DIXDC1: variants seen among roughly 807,000 people sequenced by gnomAD.
DIXDC1 encodes dixin.
A neutral mutation model predicts 103.1 loss-of-function variants in DIXDC1; 64 were observed. The ratio of observed to expected loss-of-function variants is 0.62; its 90% confidence interval spans 0.51 to 0.76. DIXDC1 has a LOEUF of 0.76. Ranked by LOEUF, DIXDC1 falls within the 30% of genes least tolerant of loss-of-function variation. The probability of loss-of-function intolerance (pLI) is 0.00; values close to 1 mark genes in which losing one functional copy is unlikely to be tolerated. For missense variants in DIXDC1, 759 were observed against 834.2 expected, an observed-to-expected ratio of 0.91 and a Z score of 1.11; for synonymous variants, 266 against 298.5, an observed-to-expected ratio of 0.89 and a Z score of 1.12.
intron 5 of DIXDC1, among the ~76,000 whole-genome samples, chr11:111,980,470 C>G (rs1860260271): frequency 6.6e-6 from 1 of 152,192 alleles, no homozygotes; most frequent in Admixed American, 6.5e-5. Flanking sequence ...TGGTAAATCT[C>G]TTCTCAATGA....
chr11:112,011,534 C>A (rs1352157540), intron 17 of DIXDC1, among the ~76,000 whole-genome samples: 1 of 152,128 alleles, frequency 6.6e-6, no homozygotes, highest in African/African-American at 2.4e-5. Context: ...TTCACAATTG[C>A]AAAGACTTGG....
rs1555175404 is a variant in DIXDC1, at chr11:111,996,350, G to A, written c.1756+204G>A. 7.0e-5 allele frequency: 31 copies of A among 441,806 alleles called. 2 individuals carry two copies. In the South Asian group the frequency reaches 8.7e-4, roughly 12 times the overall value. 27.4% of individuals were successfully genotyped at this position (441,806 alleles called of 1,614,324 possible). A position where few individuals can be genotyped will look rare whatever the true frequency, so the allele number is the denominator to read the frequency against. On this transcript the variant is annotated intron_variant, in intron 17 of 19. Coordinates refer to ENST00000440460, the MANE Select transcript of DIXDC1 (RefSeq NM_001037954.4). The stretch of plus-strand genomic sequence containing the variant: ...ACCACCCCCAGTGCCATTTAGCCAC[G>A]TGCAGGCAGGATGCTGTTGACTCAG...
At chr11:111,959,206 A>C (rs1859492621) in intron 1 of DIXDC1, among the ~76,000 whole-genome samples, 1 of 152,236 alleles carries the variant, frequency 6.6e-6, no homozygotes, top group Admixed American at 6.5e-5. Flanking sequence ...ACCATGTTGC[A>C]GGCAACAAGA....
At chr11:111,935,360 A>G (rs1966158995), upstream of DIXDC1, among the ~76,000 whole-genome samples, 1 of 152,178 alleles carries the variant, frequency 6.6e-6, no homozygotes, top group African/African-American at 2.4e-5. Flanking sequence ...AAATTCAGTG[A>G]TTTCATAAGT....
intron 5 of DIXDC1, chr11:111,975,991 G>A (rs1939528): frequency 0.35 from 290,547 of 832,976 alleles, 52,872 homozygotes; most frequent in East Asian, 0.58. Flanking sequence ...ACATTATAAA[G>A]TGTACAATTC....
intron 17 of DIXDC1, among the ~76,000 whole-genome samples, chr11:112,012,504 T>C (rs1305139437): frequency 6.6e-6 from 1 of 152,162 alleles, no homozygotes; most frequent in Non-Finnish European, 1.5e-5. Flanking sequence ...TAAAGATCTA[T>C]TTTTTTAAGT....
chr11:111,994,968 C>G, intron 14 of DIXDC1, 51 bp from the exon 15 acceptor site: 2 of 1,528,870 alleles, frequency 1.3e-6, no homozygotes, highest in Non-Finnish European at 1.8e-6. Context: ...GATAGCACAT[C>G]TGGTTTACAA....
chr11:111,954,939 A>G (rs1432802704), intron 1 of DIXDC1, among the ~76,000 whole-genome samples: 1 of 152,138 alleles, frequency 6.6e-6, no homozygotes, highest in Non-Finnish European at 1.5e-5. Context: ...ATATGTATAT[A>G]TATACATTCC....
upstream of DIXDC1, among the ~76,000 whole-genome samples, chr11:111,934,969 C>T (rs1360823795): frequency 6.6e-6 from 1 of 152,140 alleles, no homozygotes; most frequent in Non-Finnish European, 1.5e-5. Flanking sequence ...GCTCAGTAGC[C>T]ACGTATGGCC....
chr11:112,008,989 A>G (rs1861326394), intron 17 of DIXDC1, among the ~76,000 whole-genome samples: 1 of 152,204 alleles, frequency 6.6e-6, no homozygotes, highest in Non-Finnish European at 1.5e-5. Context: ...AGACACAAGA[A>G]ACCTTTAAAA....
In DIXDC1 at chr11:111,941,151, C is replaced by G. The variant is rs1481494398; in HGVS notation, c.60+3592C>G. Among the ~76,000 whole-genome samples, 4 of 152,188 alleles carry G rather than the reference C, an allele frequency of 2.6e-5. No individual in the cohort carries two copies. In the East Asian group the frequency reaches 7.7e-4, roughly 29 times the overall value. On this transcript the variant is annotated intron_variant, in intron 1 of 19. Transcript: ENST00000440460. ...AAGAGACAGGCTGGGTGCTGTGGTT[C>G]ACGCCTGTAATCCCAGCTACTCGGG...
chr11:111,996,247 C>T (rs1261390704), intron 17 of DIXDC1, 101 bp downstream of exon 17: 64 of 1,011,288 alleles, frequency 6.3e-5, no homozygotes, highest in Non-Finnish European at 8.8e-5. Context: ...TCTTGTAGTA[C>T]TTCACTTTTA....
intron 1 of DIXDC1, among the ~76,000 whole-genome samples, chr11:111,939,510 T>G (rs1218684824): frequency 1.3e-5 from 2 of 152,202 alleles, no homozygotes; most frequent in Non-Finnish European, 2.9e-5. Flanking sequence ...TTCTGTAAAC[T>G]TCCCTCCATC....
chr11:111,938,888 C>T (rs1188611306), intron 1 of DIXDC1, among the ~76,000 whole-genome samples: 2 of 152,246 alleles, frequency 1.3e-5, no homozygotes, highest in Non-Finnish European at 2.9e-5. Context: ...CACTGCAGGG[C>T]ACCTCATCTT....
intron 17 of DIXDC1, among the ~76,000 whole-genome samples, chr11:112,008,044 C>T (rs1861292391): frequency 6.6e-6 from 1 of 150,974 alleles, no homozygotes; most frequent in South Asian, 2.1e-4. Flanking sequence ...CATCGGTGTG[C>T]TGTACTCAGG....
intron 17 of DIXDC1, among the ~76,000 whole-genome samples, chr11:112,008,686 C>T (rs909166479): frequency 6.6e-6 from 1 of 152,184 alleles, no homozygotes; most frequent in Non-Finnish European, 1.5e-5. Flanking sequence ...GGAAACTGAA[C>T]AACCTGCTCC....
At chr11:111,939,188 A>C (rs991578460) in intron 1 of DIXDC1, among the ~76,000 whole-genome samples, 8 of 152,204 alleles carry the variant, frequency 5.3e-5, no homozygotes, top group Admixed American at 2.6e-4. Flanking sequence ...AAGAGGAGGA[A>C]ACCAGCACAG....
chr11:111,980,670 T>A (rs1860266956), intron 5 of DIXDC1, 67 bp from the exon 6 acceptor site: 1 of 1,341,962 alleles, frequency 7.5e-7, no homozygotes, highest in African/African-American at 1.4e-5. Context: ...CAGGAATAAA[T>A]TATGAAAGCT....
upstream of DIXDC1, among the ~76,000 whole-genome samples, chr11:111,934,775 G>A (rs782519937): frequency 6.6e-6 from 1 of 152,178 alleles, no homozygotes; most frequent in Non-Finnish European, 1.5e-5. Flanking sequence ...TATATGGTCT[G>A]ACAGGAATTT....
Sources: gnomAD v4.1 joint callset for allele counts (sites outside exome capture counted in the v4.1 genomes callset) on GRCh38, gnomAD v4.1.1 for gene constraint, MANE v1.5 for transcripts, NCBI Gene and HGNC (gene_info 2026-07-23, HGNC 2026-07-21) for gene names.